Variants in GULP1 observed in about 807,000 individuals in gnomAD.
GULP1 encodes the protein GULP PTB domain containing engulfment adaptor 1.
GULP1 carries 19 observed loss-of-function variants against 40.9 expected under a neutral mutation model. That is an observed-to-expected ratio of 0.46 (90% CI 0.32 to 0.68). The LOEUF is 0.68. GULP1 is among the 30% of genes least tolerant of loss of function. GULP1 has a pLI of 0.03. For missense variants in GULP1, 312 were observed against 362.2 expected, an observed-to-expected ratio of 0.86 and a Z score of 1.12; for synonymous variants, 119 against 117.6, an observed-to-expected ratio of 1.01 and a Z score of -0.08.
chr2:188,559,677 G>T (rs1695747722), intron 7 of GULP1, among the ~76,000 whole-genome samples: 1 of 152,176 alleles, frequency 6.6e-6, no homozygotes, highest in Non-Finnish European at 1.5e-5. Context: ...CTGTTGGAAA[G>T]GCATGATTGG....
At chr2:188,444,112 G>A (rs188921977) in intron 2 of GULP1, among the ~76,000 whole-genome samples, 2 of 152,144 alleles carry the variant, frequency 1.3e-5, no homozygotes, top group East Asian at 3.9e-4. Flanking sequence ...TACACCCTTA[G>A]CTGATCTTCC....
At chr2:188,568,692 G>A (rs1049163159) in intron 7 of GULP1, among the ~76,000 whole-genome samples, 9 of 152,076 alleles carry the variant, frequency 5.9e-5, no homozygotes, top group African/African-American at 2.2e-4. Flanking sequence ...CTTCCACCAG[G>A]CAACAATTAA....
At chr2:188,469,340 G>A (rs1394750745) in intron 2 of GULP1, among the ~76,000 whole-genome samples, 1 of 152,164 alleles carries the variant, frequency 6.6e-6, no homozygotes, top group East Asian at 1.9e-4. Flanking sequence ...ACACAAAGGT[G>A]TGGGATAATT....
chr2:188,419,526 C>A (rs1446975426), intron 2 of GULP1, among the ~76,000 whole-genome samples: 4 of 148,616 alleles, frequency 2.7e-5, no homozygotes, highest in Non-Finnish European at 5.9e-5. Context: ...TATTCAGATT[C>A]TTTGCCCATT....
Position 188,569,250 on chromosome 2 carries a change from C to G in GULP1, c.411C>G (p.Ile137Met), listed in dbSNP as rs1224118515. The G allele has an allele frequency of 6.6e-7, 1 of 1,522,986 alleles. No individual in the cohort carries two copies. The highest frequency in any genetic ancestry group is 9.1e-7 in the Non-Finnish European group (1 of 1,097,194). The allele number at this position is 1,522,986 out of a possible 1,614,324, so 94.3% of individuals were successfully genotyped here. ...TGATTTTTACACAGGCTGAAGAGAT[C>G]ACTTTAACAATTGGCCAAGCATTTG... is the stretch of plus-strand genomic sequence containing the variant. ...VFDSEKCAEE[I>M]TLTIGQAFDL... Residue 137 changes from isoleucine to methionine, a missense_variant, in exon 8 of 12, where the codon ATC becomes ATG. By Grantham distance (10) the Ile-to-Met change is conservative. Transcript: ENST00000409830.
intron 1 of GULP1, among the ~76,000 whole-genome samples, chr2:188,344,470 G>A (rs2043357779): frequency 6.6e-6 from 1 of 152,118 alleles, no homozygotes; most frequent in Admixed American, 6.6e-5. Flanking sequence ...AAAATTCGAG[G>A]GGAAAGGATT....
chr2:188,471,262 T>C (rs1048836831), intron 2 of GULP1, among the ~76,000 whole-genome samples: 5 of 152,156 alleles, frequency 3.3e-5, no homozygotes, highest in Admixed American at 1.3e-4. Context: ...GTGTGTTTCT[T>C]ATAGGCAACA....
intron 2 of GULP1, among the ~76,000 whole-genome samples, chr2:188,440,062 G>T (rs937098150): frequency 1.3e-5 from 2 of 152,138 alleles, no homozygotes; most frequent in African/African-American, 4.8e-5. Context: ...ACTAAAAAGA[G>T]CTGGTTTATT....
intron 1 of GULP1, among the ~76,000 whole-genome samples, chr2:188,311,858 T>C (rs1219501617): frequency 1.3e-5 from 2 of 148,280 alleles, no homozygotes; most frequent in Admixed American, 6.8e-5. Context: ...AGAAGCATTA[T>C]ATATTATAAA....
chr2:188,454,346 G>T (rs2059083247), intron 2 of GULP1, among the ~76,000 whole-genome samples: 1 of 152,160 alleles, frequency 6.6e-6, no homozygotes, highest in Admixed American at 6.6e-5. Flanking sequence ...AGGGCATGAT[G>T]ATTAGTTTGT....
chr2:188,342,363 T>C (rs1460241001), intron 1 of GULP1, among the ~76,000 whole-genome samples: 2 of 152,196 alleles, frequency 1.3e-5, no homozygotes, highest in East Asian at 3.9e-4. Flanking sequence ...CTTCACATGG[T>C]TTTCCTCCAT....
At chr2:188,328,967 C>G (rs1166934935) in intron 1 of GULP1, among the ~76,000 whole-genome samples, 1 of 152,152 alleles carries the variant, frequency 6.6e-6, no homozygotes, top group Non-Finnish European at 1.5e-5. Flanking sequence ...CATCATGAAT[C>G]AACTCATAAA....
intron 1 of GULP1, among the ~76,000 whole-genome samples, chr2:188,318,769 AG>A (rs1427956958): frequency 6.6e-6 from 1 of 152,200 alleles, no homozygotes; most frequent in Non-Finnish European, 1.5e-5. Context: ...AATTAAAAGC[AG>A]GTATAAATAT....
intron 3 of GULP1, among the ~76,000 whole-genome samples, chr2:188,480,026 A>T (rs2061326598): frequency 6.6e-6 from 1 of 152,112 alleles, no homozygotes; most frequent in African/African-American, 2.4e-5. Context: ...TGAAGTTAAA[A>T]CTTGAACTGA....
chr2:188,512,338 T>C (rs2064667429), intron 4 of GULP1, among the ~76,000 whole-genome samples: 1 of 152,120 alleles, frequency 6.6e-6, no homozygotes, highest in South Asian at 2.1e-4. Context: ...AAAACTTTTA[T>C]ATTATAAAAA....
chr2:188,492,010 A>G (rs2153098895), intron 4 of GULP1, among the ~76,000 whole-genome samples: 1 of 152,110 alleles, frequency 6.6e-6, no homozygotes, highest in South Asian at 2.1e-4. Context: ...AAACCTTTAA[A>G]TCATTTTCAT....
At chr2:188,390,753 AG>A (rs2050409977) in intron 2 of GULP1, among the ~76,000 whole-genome samples, 1 of 152,068 alleles carries the variant, frequency 6.6e-6, no homozygotes, top group African/African-American at 2.4e-5. Context: ...TTCAGGTCTT[AG>A]ATTTAAGGAT....
chr2:188,537,227 A>G (rs1689168744), intron 6 of GULP1, among the ~76,000 whole-genome samples: 1 of 151,956 alleles, frequency 6.6e-6, no homozygotes, highest in Non-Finnish European at 1.5e-5. Flanking sequence ...ACTCTGTGGA[A>G]TAGGAGTGAT....
At chr2:188,511,172 T>C (rs541045222) in intron 4 of GULP1, among the ~76,000 whole-genome samples, 2 of 152,258 alleles carry the variant, frequency 1.3e-5, no homozygotes, top group South Asian at 2.1e-4. Context: ...CTGACTGTAA[T>C]GTACATGGAA....
Sources: gnomAD v4.1 joint callset for allele counts (sites outside exome capture counted in the v4.1 genomes callset) on GRCh38, gnomAD v4.1.1 for gene constraint, MANE v1.5 for transcripts, NCBI Gene and HGNC (gene_info 2026-07-23, HGNC 2026-07-21) for gene names.